Variants in JAZF1 observed in about 807,000 individuals in gnomAD.
JAZF1 encodes juxtaposed with another zinc finger protein 1.
JAZF1 carries 8 observed loss-of-function variants against 26.4 expected under a neutral mutation model. The observed-to-expected ratio is 0.30, with a 90% CI of 0.18 to 0.55. JAZF1 has a LOEUF of 0.55. Ranked by LOEUF, JAZF1 falls within the 20% of genes least tolerant of loss-of-function variation. The pLI is 0.94. For missense variants in JAZF1, 199 were observed against 322.0 expected (o/e 0.62, Z 2.92); for synonymous variants, 126 against 122.3 (o/e 1.03, Z -0.20).
intron 1 of JAZF1, among the ~76,000 whole-genome samples, chr7:28,161,355 A>G (rs1783284611): frequency 6.6e-6 from 1 of 151,952 alleles, no homozygotes; most frequent in Non-Finnish European, 1.5e-5. Context: ...AGCCCCAAGA[A>G]CACTCCTAGA....
chr7:27,939,196 G>A (rs537305402), intron 2 of JAZF1, among the ~76,000 whole-genome samples: 6 of 152,270 alleles, frequency 3.9e-5, no homozygotes, highest in African/African-American at 1.4e-4. Flanking sequence ...TGGAGCTTTA[G>A]GAATGGTTTT....
At chr7:28,093,741 C>G (rs1442213476) in intron 1 of JAZF1, among the ~76,000 whole-genome samples, 1 of 152,224 alleles carries the variant, frequency 6.6e-6, no homozygotes, top group Non-Finnish European at 1.5e-5. Context: ...TCACTTCTCA[C>G]CGAGCTTTGG....
At chr7:27,976,949 C>T (rs1398542119) in intron 2 of JAZF1, among the ~76,000 whole-genome samples, 2 of 151,572 alleles carry the variant, frequency 1.3e-5, no homozygotes, top group African/African-American at 2.4e-5. Flanking sequence ...AAGCAGCTCA[C>T]ATTCTGGTAG....
In JAZF1 at chr7:27,885,181, C is replaced by G. The variant is rs1027664147; in HGVS notation, c.385+10039G>C. Among the ~76,000 whole-genome samples the G allele has an allele frequency of 3.9e-5, 6 of 152,274 alleles. No homozygotes were observed. The East Asian group carries it at 9.6e-4, about 24-fold the overall frequency. ...GGGAATCTGAAATGTAAAAGTACCCCAAATTGGATAGCACAAAGGGGTGTC... is the reference window on the plus strand; with the variant it reads ...GGGAATCTGAAATGTAAAAGTACCCGAAATTGGATAGCACAAAGGGGTGTC... On this transcript the variant is annotated intron_variant, in intron 3 of 4. Transcript: ENST00000283928.
intron 1 of JAZF1, among the ~76,000 whole-genome samples, chr7:28,067,238 C>T (rs1382627996): frequency 6.6e-6 from 1 of 152,208 alleles, no homozygotes; most frequent in African/African-American, 2.4e-5. Flanking sequence ...CTATTATCCT[C>T]AGTGAACATG....
chr7:28,002,316 A>G lies in JAZF1; in HGVS notation c.116-10335T>C, dbSNP rs149783634. Among the ~76,000 whole-genome samples, 49 of 152,356 alleles carry G rather than the reference A, an allele frequency of 3.2e-4. No individual in the cohort carries two copies. The East Asian group carries it at 9.4e-3, about 29-fold the overall frequency. On this transcript the variant is annotated intron_variant, in intron 1 of 4. Transcript: ENST00000283928. ...ATGGTAAATTTCCCAAAAGATGACT[A>G]TGAAAGACGGGGGGGAAAAAAGAAT... is the stretch of plus-strand genomic sequence containing the variant.
chr7:28,072,107 T>G (rs573840575), intron 1 of JAZF1, among the ~76,000 whole-genome samples: 3 of 152,238 alleles, frequency 2.0e-5, no homozygotes, highest in Non-Finnish European at 4.4e-5. Context: ...ACTGTATATA[T>G]TGCTTGCATA....
At chr7:27,966,995 A>G (rs1365357325) in intron 2 of JAZF1, among the ~76,000 whole-genome samples, 1 of 152,246 alleles carries the variant, frequency 6.6e-6, no homozygotes, top group Non-Finnish European at 1.5e-5. Context: ...CTGACTAGTC[A>G]GGGTCTATGC....
intron 4 of JAZF1, 136 bp from the exon 5 acceptor site, chr7:27,833,112 T>C: frequency 1.7e-6 from 1 of 591,836 alleles, no homozygotes. Context: ...GGACTCCAGT[T>C]GGGACCCTTC....
intron 3 of JAZF1, among the ~76,000 whole-genome samples, chr7:27,863,300 T>G (rs1783414120): frequency 6.6e-6 from 1 of 152,196 alleles, no homozygotes; most frequent in Non-Finnish European, 1.5e-5. Flanking sequence ...TTCTCCCTGC[T>G]CTTGAATTAG....
At chr7:27,987,389 G>C (rs1010261272) in intron 2 of JAZF1, among the ~76,000 whole-genome samples, 4 of 148,922 alleles carry the variant, frequency 2.7e-5, no homozygotes, top group African/African-American at 1.0e-4. Flanking sequence ...CGGCCGCCCC[G>C]TCTGAGAAGT....
At chr7:27,946,171 A>AT (rs2128353586) in intron 2 of JAZF1, among the ~76,000 whole-genome samples, 1 of 152,290 alleles carries the variant, frequency 6.6e-6, no homozygotes, top group Non-Finnish European at 1.5e-5. Flanking sequence ...AACTTAATGT[A>AT]TTTTTAACTT....
At chr7:27,912,651 T>C (rs1301061292) in intron 2 of JAZF1, among the ~76,000 whole-genome samples, 2 of 152,164 alleles carry the variant, frequency 1.3e-5, no homozygotes, top group Non-Finnish European at 2.9e-5. Flanking sequence ...CCTTGAAATT[T>C]AGAGTTCTGA....
intron 3 of JAZF1, among the ~76,000 whole-genome samples, chr7:27,849,794 C>T (rs903341605): frequency 1.3e-5 from 2 of 148,454 alleles, no homozygotes; most frequent in East Asian, 1.9e-4. Context: ...TCTTCCCGGC[C>T]GCCCACCTAC....
chr7:28,020,918 A>T (rs925486907), intron 1 of JAZF1: 15 of 315,126 alleles, frequency 4.8e-5, no homozygotes, highest in African/African-American at 3.0e-4. Context: ...GAAGTCAGGA[A>T]ATAGAAAAGT....
intron 2 of JAZF1, among the ~76,000 whole-genome samples, chr7:27,938,805 A>AT (rs10661523): frequency 0.026 from 3,546 of 138,226 alleles, 58 homozygotes; most frequent in South Asian, 0.036. Flanking sequence ...CTGAATAGCT[A>AT]TTTTTTTTTT....
chr7:27,960,865 G>A (rs1290442376), intron 2 of JAZF1, among the ~76,000 whole-genome samples: 10 of 152,198 alleles, frequency 6.6e-5, no homozygotes, highest in Admixed American at 5.2e-4. Flanking sequence ...GAGGGGAGAT[G>A]CTGAAGGTGG....
intron 3 of JAZF1, among the ~76,000 whole-genome samples, chr7:27,857,644 CAT>C (rs1337940017): frequency 2.0e-5 from 3 of 152,226 alleles, no homozygotes; most frequent in East Asian, 3.8e-4. Context: ...ACAAAAACCA[CAT>C]GATTATCTCA....
chr7:28,111,213 G>T (rs1422232714), intron 1 of JAZF1, among the ~76,000 whole-genome samples: 1 of 152,182 alleles, frequency 6.6e-6, no homozygotes, highest in Non-Finnish European at 1.5e-5. Flanking sequence ...ATCCAGTTAA[G>T]TTAAATAAAT....
Sources: gnomAD v4.1 joint callset for allele counts (sites outside exome capture counted in the v4.1 genomes callset) on GRCh38, gnomAD v4.1.1 for gene constraint, MANE v1.5 for transcripts, NCBI Gene and HGNC (gene_info 2026-07-23, HGNC 2026-07-21) for gene names.